The following ANKRD31 variants were observed in gnomAD, a reference collection of about 807,000 sequenced individuals.
ANKRD31 encodes the protein ankyrin repeat domain-containing protein 31.
In ANKRD31, 147 loss-of-function variants were observed where a neutral mutation model predicts 186.0. That is an observed-to-expected ratio of 0.79 (90% CI 0.69 to 0.91). The LOEUF is 0.91. Among genes scored for constraint, ANKRD31 ranks in the 40% least tolerant of loss-of-function variants. ANKRD31 has a pLI of 0.00. For missense variants in ANKRD31, 1,986 were observed against 2,148.8 expected (o/e 0.92, Z 1.50); for synonymous variants, 673 against 736.4 (o/e 0.91, Z 1.39).
intron 25 of ANKRD31, among the ~76,000 whole-genome samples, chr5:75,077,265 C>T (rs1744718725): frequency 6.6e-6 from 1 of 152,054 alleles, no homozygotes; most frequent in South Asian, 2.1e-4. Context: ...GAGACCGGGT[C>T]TCACTTTGTT....
chr5:75,217,412 G>A (rs771029349), intron 3 of ANKRD31, among the ~76,000 whole-genome samples: 5 of 152,158 alleles, frequency 3.3e-5, no homozygotes, highest in African/African-American at 4.8e-5. Flanking sequence ...CCTGAGTTGG[G>A]TGCATACAGA....
In ANKRD31 at chr5:75,219,676, C is replaced by T. The variant is rs191746520; in HGVS notation, c.288+2573G>A. On this transcript the variant is annotated intron_variant, in intron 3 of 25. Transcript: ENST00000506364. Reference sequence around the variant, plus strand: ...ATTCATAGGGAACCAGAAAAGATCCCGAATAGCCAAGGCAATCCTAAGCAA... The same window carrying T: ...ATTCATAGGGAACCAGAAAAGATCCTGAATAGCCAAGGCAATCCTAAGCAA... 3.9e-4 allele frequency among the ~76,000 whole-genome samples: 59 copies of T among 152,238 alleles called. 1 individual carries two copies. In the South Asian group the frequency reaches 4.8e-3, roughly 12 times the overall value.
chr5:75,156,422 T>C (rs1402869781), intron 11 of ANKRD31, among the ~76,000 whole-genome samples: 1 of 152,186 alleles, frequency 6.6e-6, no homozygotes, highest in Non-Finnish European at 1.5e-5. Flanking sequence ...AGTTAAAAAT[T>C]ACAGAAAGGT....
intron 21 of ANKRD31, among the ~76,000 whole-genome samples, chr5:75,105,427 T>C (rs538720533): frequency 1.1e-4 from 17 of 152,324 alleles, no homozygotes; most frequent in African/African-American, 3.6e-4. Context: ...AGGAAGCTGA[T>C]TCCTTTATTT....
chr5:75,227,993 C>T lies in ANKRD31; in HGVS notation c.178+2569G>A, dbSNP rs773179022. Among the ~76,000 whole-genome samples, 7 of 152,314 alleles carry T rather than the reference C, an allele frequency of 4.6e-5. No homozygotes were observed. In the South Asian group the frequency reaches 6.2e-4, roughly 14 times the overall value. ...TTCATCCTGAAACCATACCCCCAACCGCCATCCTGGGAAAAATTATCTTCC... is the reference window on the plus strand; with the variant it reads ...TTCATCCTGAAACCATACCCCCAACTGCCATCCTGGGAAAAATTATCTTCC... On this transcript the variant is annotated intron_variant, in intron 2 of 25. Transcript: ENST00000506364.
In ANKRD31 at chr5:75,212,965, G is replaced by C. The variant is rs1459706596; in HGVS notation, c.289-2100C>G. On this transcript the variant is annotated intron_variant, in intron 3 of 25. Transcript: ENST00000506364. Reference sequence around the variant, plus strand: ...CCACTGAATACAGGTGGGGGCTGGAGATGTTAATTCGTTAATGAACAACAT... The same window carrying C: ...CCACTGAATACAGGTGGGGGCTGGACATGTTAATTCGTTAATGAACAACAT... Among the ~76,000 whole-genome samples, 3 of 152,158 alleles carry C rather than the reference G, an allele frequency of 2.0e-5. No individual in the cohort carries two copies. The East Asian group carries it at 5.8e-4, about 29-fold the overall frequency.
At chr5:75,115,142 A>G (rs2150076476) in intron 19 of ANKRD31, among the ~76,000 whole-genome samples, 1 of 151,160 alleles carries the variant, frequency 6.6e-6, no homozygotes, top group East Asian at 1.9e-4. Flanking sequence ...AACCTGAGAA[A>G]AACAAGCAAT....
chr5:75,236,851 G>A lies in ANKRD31; in HGVS notation c.-165C>T, dbSNP rs1401423977. On this transcript the variant is annotated 5_prime_UTR_variant, in exon 1 of 26. Coordinates refer to ENST00000506364, the MANE Select transcript of ANKRD31 (RefSeq NM_001372053.1). Reference sequence around the variant, plus strand: ...CAGGGCTGCTGAGGAGGACGCAGGCGGCCGCGAGCGCGGCGGGGTAGCAGT... The same window carrying A: ...CAGGGCTGCTGAGGAGGACGCAGGCAGCCGCGAGCGCGGCGGGGTAGCAGT... 2 of 556,664 alleles carry A rather than the reference G, an allele frequency of 3.6e-6. No individual in the cohort carries two copies. Among genetic ancestry groups the A allele is most frequent in the Non-Finnish European group, 5.8e-6 (2 of 344,222 alleles). The allele number at this position is 556,664 out of a possible 1,614,324, so 34.5% of individuals were successfully genotyped here.
At position 75,084,587 on chromosome 5, in the gene ANKRD31, C is replaced by G. The variant is rs532084177; in HGVS notation, c.5473-213G>C. On this transcript the variant is annotated intron_variant, in intron 23 of 25. Transcript: ENST00000506364. ...TGATGCTCATTCATTTACTTAACAT[C>G]TATGGCTGCTTTCATGCTATAACAT... 5.1e-4 allele frequency among the ~76,000 whole-genome samples: 77 copies of G among 152,278 alleles called. 1 individual carries two copies. The South Asian group carries it at 0.015, about 30-fold the overall frequency.
intron 8 of ANKRD31, 26 bp from the exon 9 acceptor site, chr5:75,192,802 T>C: frequency 4.8e-6 from 7 of 1,468,242 alleles, no homozygotes; most frequent in Non-Finnish European, 6.4e-6. Context: ...ATTTTTTAAA[T>C]GGCTATAACG....
chr5:75,190,314 C>A (rs1290198575), intron 9 of ANKRD31, among the ~76,000 whole-genome samples: 2 of 152,144 alleles, frequency 1.3e-5, no homozygotes, highest in Non-Finnish European at 2.9e-5. Flanking sequence ...AGCCACTGCA[C>A]GTGGCCTGTT....
At chr5:75,197,161 C>T (rs1755523895) in intron 6 of ANKRD31, among the ~76,000 whole-genome samples, 2 of 152,142 alleles carry the variant, frequency 1.3e-5, no homozygotes, top group African/African-American at 2.4e-5. Context: ...TTCGGCCTCC[C>T]AAAGTACAGG....
chr5:75,076,418 A>G (rs960494203), intron 25 of ANKRD31, among the ~76,000 whole-genome samples: 1 of 152,198 alleles, frequency 6.6e-6, no homozygotes, highest in Non-Finnish European at 1.5e-5. Flanking sequence ...TTACTGGTTT[A>G]TTATAGAAGA....
At position 75,146,811 on chromosome 5, in the gene ANKRD31, A is replaced by G; in HGVS notation, c.2600T>C (p.Leu867Pro). 5 of 1,536,268 alleles carry G rather than the reference A, an allele frequency of 3.3e-6. No homozygotes were observed. Among genetic ancestry groups the G allele is most frequent in the Non-Finnish European group, 4.4e-6 (5 of 1,146,292 alleles). Residue 867 changes from leucine to proline, a missense_variant, in exon 14 of 26, where the codon CTT becomes CCT. Physicochemically the swap from Leu to Pro is moderately conservative, Grantham distance 98 (BLOSUM62 -3). Coordinates refer to ENST00000506364, the MANE Select transcript of ANKRD31 (RefSeq NM_001372053.1). ...GTTACTGTTTTCATGAGATTTATAAAGTACATGGTGTTGTTCCTGGAGAGT... is the reference window on the plus strand; with the variant it reads ...GTTACTGTTTTCATGAGATTTATAAGGTACATGGTGTTGTTCCTGGAGAGT... Reference protein sequence around the residue: ...PHTLQEQHHVLYKSHENSNLV... With the variant: ...PHTLQEQHHVPYKSHENSNLV...
chr5:75,233,417 T>G (rs999186886), intron 1 of ANKRD31, among the ~76,000 whole-genome samples: 1 of 152,266 alleles, frequency 6.6e-6, no homozygotes, highest in South Asian at 2.1e-4. Context: ...CTGTGTCCCA[T>G]AAAACTTATT....
At chr5:75,099,600 A>G (rs1190754908) in intron 22 of ANKRD31, among the ~76,000 whole-genome samples, 27 of 151,864 alleles carry the variant, frequency 1.8e-4, no homozygotes, top group Admixed American at 1.8e-3. Flanking sequence ...TTATTGCTTC[A>G]TTTTCAGAGC....
At chr5:75,147,969 G>A (rs1751593558) in intron 13 of ANKRD31, among the ~76,000 whole-genome samples, 1 of 151,724 alleles carries the variant, frequency 6.6e-6, no homozygotes, top group Admixed American at 6.6e-5. Context: ...CCAGTAGTCA[G>A]ACTCTATAAA....
intron 17 of ANKRD31, among the ~76,000 whole-genome samples, chr5:75,121,069 G>A (rs1471697240): frequency 6.6e-6 from 1 of 151,966 alleles, no homozygotes; most frequent in Non-Finnish European, 1.5e-5. Context: ...TGTAATCCCA[G>A]CTACTTAGGA....
At chr5:75,113,076 C>A (rs1279693482) in intron 19 of ANKRD31, among the ~76,000 whole-genome samples, 1 of 152,188 alleles carries the variant, frequency 6.6e-6, no homozygotes, top group African/African-American at 2.4e-5. Context: ...ATGTCCTTGT[C>A]AGTACTAATC....
Sources: gnomAD v4.1 joint callset for allele counts (sites outside exome capture counted in the v4.1 genomes callset) on GRCh38, gnomAD v4.1.1 for gene constraint, MANE v1.5 for transcripts, NCBI Gene and HGNC (gene_info 2026-07-23, HGNC 2026-07-21) for gene names.